Variants in BTAF1 observed in about 807,000 individuals in gnomAD.
The protein encoded by BTAF1 is TATA-binding protein-associated factor 172.
In BTAF1, 38 loss-of-function variants were observed where a neutral mutation model predicts 227.1. That is an observed-to-expected ratio of 0.17 (90% CI 0.13 to 0.22). The LOEUF (loss-of-function observed/expected upper bound fraction) is 0.22. BTAF1 is among the 10% of genes least tolerant of loss of function. The pLI, the probability that BTAF1 is intolerant of heterozygous loss-of-function variation, is 1.00. For synonymous variants in BTAF1, 742 were observed against 751.9 expected (o/e 0.99, Z 0.21); for missense variants, 1,598 against 2,204.0 (o/e 0.73, Z 5.51).
intron 14 of BTAF1, among the ~76,000 whole-genome samples, chr10:91,968,123 C>G (rs1847052887): frequency 1.3e-5 from 2 of 152,116 alleles, no homozygotes; most frequent in Non-Finnish European, 2.9e-5. Context: ...TACAAATGTA[C>G]AATAATATGT....
At chr10:91,949,497 C>T (rs942887747) in intron 4 of BTAF1, among the ~76,000 whole-genome samples, 19 of 152,292 alleles carry the variant, frequency 1.2e-4, no homozygotes, top group Non-Finnish European at 2.2e-4. Context: ...CTGTTACATT[C>T]TTCCAAAGAT....
chr10:91,972,367 C>T (rs1185788061), intron 14 of BTAF1, among the ~76,000 whole-genome samples: 1 of 152,060 alleles, frequency 6.6e-6, no homozygotes, highest in Admixed American at 6.6e-5. Flanking sequence ...CTCCCTGCTC[C>T]CCTACCCCCA....
chr10:92,018,475 G>A (rs983787077), intron 33 of BTAF1, among the ~76,000 whole-genome samples: 6 of 152,232 alleles, frequency 3.9e-5, no homozygotes, highest in African/African-American at 1.2e-4. Flanking sequence ...GGTACTTTGA[G>A]TGGGAAAGGG....
chr10:91,971,873 G>A (rs897282689), intron 14 of BTAF1, among the ~76,000 whole-genome samples: 3 of 151,532 alleles, frequency 2.0e-5, no homozygotes, highest in African/African-American at 4.8e-5. Context: ...GCAGGGAATT[G>A]TATGAAACAG....
At chr10:91,930,135 T>A (rs1163263621) in intron 1 of BTAF1, among the ~76,000 whole-genome samples, 1 of 152,172 alleles carries the variant, frequency 6.6e-6, no homozygotes, top group Admixed American at 6.5e-5. Flanking sequence ...TAAAATGTAT[T>A]ATGAATTTTA....
Position 91,951,597 on chromosome 10 carries a change from AG to A in BTAF1, c.564+32del, listed in dbSNP as rs765527941. 6 of 1,561,312 alleles carry A rather than the reference AG, an allele frequency of 3.8e-6. No homozygotes were observed. In the Admixed American group the frequency reaches 1.2e-4, roughly 32 times the overall value. On this transcript the variant is annotated intron_variant, in intron 5 of 37. Coordinates refer to ENST00000265990, the MANE Select transcript of BTAF1 (RefSeq NM_003972.3). ...TAAAACGTTTGGTTATTTGATTGCA[AG>A]TAATAATACAAAGGGTTTGCTTCAT...
chr10:92,028,961 G>T lies in BTAF1; in HGVS notation c.*28G>T. ...ATCAAATATTGTAAATGCAATTGCT[G>T]CTAGTTCAGTTACATTTCTGCTGAT... On this transcript the variant is annotated 3_prime_UTR_variant, in exon 38 of 38. Transcript: ENST00000265990. The T allele has an allele frequency of 6.5e-7, 1 of 1,542,130 alleles. No individual in the cohort carries two copies.
Position 92,002,678 on chromosome 10 carries a change from T to C in BTAF1, c.3660+4927T>C, listed in dbSNP as rs192683007. Among the ~76,000 whole-genome samples, 3 of 152,286 alleles carry C rather than the reference T, an allele frequency of 2.0e-5. No homozygotes were observed. In the East Asian group the frequency reaches 5.8e-4, roughly 29 times the overall value. On this transcript the variant is annotated intron_variant, in intron 25 of 37. Coordinates refer to ENST00000265990, the MANE Select transcript of BTAF1 (RefSeq NM_003972.3). ...AAGTTAATTCCAATACCTTTGAAAATAGACTCAATCTACATACCTCACTGC... is the reference window on the plus strand; with the variant it reads ...AAGTTAATTCCAATACCTTTGAAAACAGACTCAATCTACATACCTCACTGC...
At chr10:91,931,381 G>A (rs188579817) in intron 1 of BTAF1, among the ~76,000 whole-genome samples, 1 of 152,224 alleles carries the variant, frequency 6.6e-6, no homozygotes, top group East Asian at 1.9e-4. Flanking sequence ...ATCTTCTATA[G>A]TCTTTGGTAC....
In BTAF1 at chr10:92,027,132, A is replaced by G; in HGVS notation, c.5238A>G (p.Lys1746=). Residue 1746 remains lysine (K), a splice_region_variant and synonymous_variant, in exon 37 of 38, where the codon AAA becomes AAG. Coordinates refer to ENST00000265990, the MANE Select transcript of BTAF1 (RefSeq NM_003972.3). ...GCTTAACTGTTTTTCTTATCCAGAA[A>G]CGTGTGGTTAACGTATACCGATTGA... is the stretch of plus-strand genomic sequence containing the variant. ...AMDRAHRIGQ[K]RVVNVYRLIT... is the part of the protein sequence containing the mutation. The G allele has an allele frequency of 6.2e-7, 1 of 1,608,484 alleles. No individual in the cohort carries two copies. Among genetic ancestry groups the G allele is most frequent in the Non-Finnish European group, 8.5e-7 (1 of 1,178,270 alleles).
rs547891898 is a variant in BTAF1 at position 91,978,650 on chromosome 10, TA to T, written c.1651-1798del. Among the ~76,000 whole-genome samples, 291 of 152,134 alleles carry T rather than the reference TA, an allele frequency of 1.9e-3. 2 individuals are homozygous for T. Among genetic ancestry groups the T allele is most frequent in the African/African-American group, 6.7e-3 (278 of 41,482 alleles). Reference sequence around the variant, plus strand: ...CTTAAAAACACTGTATTTAGTGCTTTAAAAAAGTCATGTGGAGGGCAGGGGC... The same window carrying T: ...CTTAAAAACACTGTATTTAGTGCTTTAAAAAGTCATGTGGAGGGCAGGGGC... On this transcript the variant is annotated intron_variant, in intron 14 of 37. Coordinates refer to ENST00000265990, the MANE Select transcript of BTAF1 (RefSeq NM_003972.3).
chr10:92,011,507 TAAAG>T, intron 30 of BTAF1, 92 bp downstream of exon 30: 1 of 522,014 alleles, frequency 1.9e-6, no homozygotes, highest in Admixed American at 4.7e-5. Context: ...GGCGGTGAAT[TAAAG>T]AAGATTTTTT....
intron 11 of BTAF1, among the ~76,000 whole-genome samples, chr10:91,962,205 A>G (rs1246885030): frequency 6.6e-6 from 1 of 152,214 alleles, no homozygotes; most frequent in Admixed American, 6.5e-5. Context: ...GTATTTAAAT[A>G]TACCAATATT....
At chr10:91,989,636 G>A (rs1374640851) in intron 20 of BTAF1, 56 bp downstream of exon 20, 14 of 1,454,238 alleles carry the variant, frequency 9.6e-6, no homozygotes, top group Non-Finnish European at 5.6e-6. Flanking sequence ...ATTTGTTTTT[G>A]TTTACTTATG....
At chr10:92,023,393 A>G (rs1851276084) in intron 34 of BTAF1, among the ~76,000 whole-genome samples, 1 of 152,160 alleles carries the variant, frequency 6.6e-6, no homozygotes. Flanking sequence ...ATCCTGCATG[A>G]AGATCTTAGA....
At chr10:91,967,626 T>C (rs1033480958) in intron 14 of BTAF1, among the ~76,000 whole-genome samples, 15 of 152,218 alleles carry the variant, frequency 9.9e-5, no homozygotes, top group African/African-American at 3.6e-4. Context: ...GTAAATTTTG[T>C]TTGGCATTAT....
chr10:91,993,946 G>T, intron 22 of BTAF1, 99 bp downstream of exon 22: 1 of 875,928 alleles, frequency 1.1e-6, no homozygotes, highest in Non-Finnish European at 1.6e-6. Context: ...GCCTCTACCT[G>T]TTTATTCCAG....
intron 1 of BTAF1, among the ~76,000 whole-genome samples, chr10:91,927,273 G>A (rs548218403): frequency 6.6e-6 from 1 of 151,870 alleles, no homozygotes; most frequent in African/African-American, 2.4e-5. Context: ...CGAGTAGCTG[G>A]GATTACAGGC....
At chr10:92,004,084 T>C (rs1414567641) in intron 25 of BTAF1, among the ~76,000 whole-genome samples, 2 of 152,208 alleles carry the variant, frequency 1.3e-5, no homozygotes, top group African/African-American at 4.8e-5. Flanking sequence ...TTACATCTTA[T>C]TTTCTTTCTG....
Sources: allele counts gnomAD v4.1 joint callset (sites outside exome capture counted in the v4.1 genomes callset), GRCh38; gene constraint gnomAD v4.1.1; transcripts MANE v1.5; gene names NCBI Gene and HGNC (gene_info 2026-07-23, HGNC 2026-07-21).